The following EXOC4 variants were observed in gnomAD, a reference collection of about 807,000 sequenced individuals.
The protein encoded by EXOC4 is SEC8-like 1.
In EXOC4, 71 loss-of-function variants were observed where a neutral mutation model predicts 107.2. That is an observed-to-expected ratio of 0.66 (90% confidence interval 0.55 to 0.81). The LOEUF (loss-of-function observed/expected upper bound fraction) is 0.81, where lower values mean the gene tolerates loss of function less well. Among genes scored for constraint, EXOC4 ranks in the 30% least tolerant of loss-of-function variants. The pLI is 0.00. For synonymous variants in EXOC4, 456 were observed against 441.2 expected (o/e 1.03, Z -0.42); for missense variants, 1,108 against 1,189.6 (o/e 0.93, Z 1.01).
intron 10 of EXOC4, among the ~76,000 whole-genome samples, chr7:133,690,868 T>G (rs181612767): frequency 6.6e-6 from 1 of 152,212 alleles, no homozygotes. Flanking sequence ...TAATGGAAGA[T>G]AGGATTATTT....
In EXOC4 at chr7:133,355,600, G is replaced by T. The variant is rs184095188; in HGVS notation, c.764-730G>T. 5.9e-5 allele frequency among the ~76,000 whole-genome samples: 9 copies of T among 152,158 alleles called. No homozygotes were observed. In the East Asian group the frequency reaches 9.7e-4, roughly 16 times the overall value. On this transcript the variant is annotated intron_variant, in intron 5 of 17. Coordinates refer to ENST00000253861, the MANE Select transcript of EXOC4 (RefSeq NM_021807.4). ...AGTTTTGGTTATTTCTTCCATTTCA[G>T]TGCCAAATTGTTTGAAAGAATGCTG... is the stretch of plus-strand genomic sequence containing the variant.
chr7:133,348,649 C>A (rs2150641264), intron 5 of EXOC4, among the ~76,000 whole-genome samples: 1 of 152,286 alleles, frequency 6.6e-6, no homozygotes, highest in East Asian at 1.9e-4. Flanking sequence ...TACCCGCAGT[C>A]CCCAAACATG....
At chr7:133,469,397 C>G (rs1347980452) in intron 7 of EXOC4, among the ~76,000 whole-genome samples, 1 of 151,848 alleles carries the variant, frequency 6.6e-6, no homozygotes, top group Non-Finnish European at 1.5e-5. Context: ...GCCTGGATGA[C>G]AGAGTGAGAC....
intron 12 of EXOC4, among the ~76,000 whole-genome samples, chr7:133,909,981 T>A (rs2116598962): frequency 7.2e-6 from 1 of 138,742 alleles, no homozygotes; most frequent in East Asian, 2.1e-4. Context: ...TGGAATGCAA[T>A]GGCGTGACCT....
intron 11 of EXOC4, among the ~76,000 whole-genome samples, chr7:133,853,770 C>G (rs1333794084): frequency 6.6e-6 from 1 of 152,078 alleles, no homozygotes; most frequent in Non-Finnish European, 1.5e-5. Flanking sequence ...TGAGGAATGT[C>G]TCTATAGTGA....
intron 7 of EXOC4, among the ~76,000 whole-genome samples, chr7:133,408,330 T>TG (rs1554448320): frequency 2.1e-5 from 3 of 145,516 alleles, no homozygotes; most frequent in African/African-American, 7.7e-5. Flanking sequence ...GAGCTGGGGA[T>TG]GGGGTGGTGA....
At chr7:133,604,356 G>A (rs1801880122) in intron 9 of EXOC4, among the ~76,000 whole-genome samples, 1 of 152,132 alleles carries the variant, frequency 6.6e-6, no homozygotes, top group Admixed American at 6.5e-5. Context: ...TATAATGTTT[G>A]TAATTGTATG....
chr7:133,577,606 G>T (rs192364997), intron 9 of EXOC4, among the ~76,000 whole-genome samples: 1 of 152,102 alleles, frequency 6.6e-6, no homozygotes, highest in Non-Finnish European at 1.5e-5. Context: ...AGTCCTTTTG[G>T]CTCTAATGTT....
intron 13 of EXOC4, among the ~76,000 whole-genome samples, chr7:133,918,419 T>C (rs555375920): frequency 1.3e-5 from 2 of 152,320 alleles, no homozygotes; most frequent in African/African-American, 2.4e-5. Flanking sequence ...TAAATTTCTG[T>C]CCATACAGAA....
chr7:133,899,344 C>G (rs1799397353), intron 12 of EXOC4, among the ~76,000 whole-genome samples: 1 of 152,176 alleles, frequency 6.6e-6, no homozygotes, highest in African/African-American at 2.4e-5. Flanking sequence ...CCATATTCAT[C>G]ATGGGTGATT....
intron 17 of EXOC4, among the ~76,000 whole-genome samples, chr7:134,020,459 A>G (rs548112536): frequency 2.0e-5 from 3 of 152,214 alleles, no homozygotes; most frequent in Non-Finnish European, 4.4e-5. Context: ...CAGCAAAAGT[A>G]AAAATAACTT....
Position 133,937,950 on chromosome 7 carries a change from C to A in EXOC4, c.2087C>A (p.Pro696His), listed in dbSNP as rs1302704112. Residue 696 changes from proline (P) to histidine (H), a missense_variant, in exon 14 of 18, where the codon CCT (proline) becomes CAT (histidine). Physicochemically the swap from Pro to His is moderately conservative, Grantham distance 77. Transcript: ENST00000253861. ...GGGAACCTGGGTGATAAATTAATCCCTCCACAAGACATCCTTCGTGACGTC... is the reference window on the plus strand; with the variant it reads ...GGGAACCTGGGTGATAAATTAATCCATCCACAAGACATCCTTCGTGACGTC... ...LIGNLGDKLI[P>H]PQDILRDVSD... is the part of the protein sequence containing the mutation. The A allele has an allele frequency of 6.2e-7, 1 of 1,614,118 alleles. No individual in the cohort carries two copies. Among genetic ancestry groups the A allele is most frequent in the South Asian group, 1.1e-5 (1 of 91,070 alleles).
intron 10 of EXOC4, among the ~76,000 whole-genome samples, chr7:133,785,555 AC>A (rs1474574618): frequency 6.6e-6 from 1 of 152,212 alleles, no homozygotes; most frequent in African/African-American, 2.4e-5. Flanking sequence ...GCACATACTT[AC>A]TTTCTCTAAA....
At chr7:133,922,575 G>A (rs564999754) in intron 13 of EXOC4, among the ~76,000 whole-genome samples, 37 of 152,190 alleles carry the variant, frequency 2.4e-4, no homozygotes, top group Non-Finnish European at 3.5e-4. Context: ...GGCCGGGCGC[G>A]GTGGCTCATG....
chr7:133,873,794 C>T (rs756155281), intron 11 of EXOC4, among the ~76,000 whole-genome samples: 2 of 152,202 alleles, frequency 1.3e-5, no homozygotes, highest in Middle Eastern at 3.4e-3. Context: ...GTAGGTGTTT[C>T]CTGTGTGAAG....
intron 9 of EXOC4, among the ~76,000 whole-genome samples, chr7:133,528,759 C>G (rs1021035333): frequency 6.6e-6 from 1 of 152,162 alleles, no homozygotes; most frequent in South Asian, 2.1e-4. Context: ...ACACATTTGT[C>G]TGAACAAAAG....
At chr7:133,684,125 C>T (rs568491216) in intron 10 of EXOC4, among the ~76,000 whole-genome samples, 10 of 152,226 alleles carry the variant, frequency 6.6e-5, no homozygotes, top group African/African-American at 2.4e-4. Flanking sequence ...AACTATAACT[C>T]GTAGATCCTA....
chr7:133,623,429 C>G (rs1802379381), intron 9 of EXOC4, among the ~76,000 whole-genome samples: 1 of 152,170 alleles, frequency 6.6e-6, no homozygotes, highest in Non-Finnish European at 1.5e-5. Context: ...GTAGAATTCA[C>G]TTGGTCTAAA....
chr7:133,487,477 G>A (rs1799289734), intron 9 of EXOC4, among the ~76,000 whole-genome samples: 1 of 152,172 alleles, frequency 6.6e-6, no homozygotes, highest in Non-Finnish European at 1.5e-5. Flanking sequence ...GGGAGGCCAA[G>A]GTGGGTGGAT....
Sources: allele counts gnomAD v4.1 joint callset (sites outside exome capture counted in the v4.1 genomes callset), GRCh38; gene constraint gnomAD v4.1.1; transcripts MANE v1.5; gene names NCBI Gene and HGNC (gene_info 2026-07-23, HGNC 2026-07-21).